The following CRIPT variants were observed in gnomAD, a reference collection of about 807,000 sequenced individuals.
CRIPT encodes CXXC repeat containing interactor of PDZ3 domain, also known as cysteine-rich PDZ-binding protein.
Under a neutral mutation model 16.6 loss-of-function variants are expected in CRIPT, and 20 were observed. The ratio of observed to expected loss-of-function variants is 1.20; its 90% CI spans 0.85 to 1.75. The LOEUF (loss-of-function observed/expected upper bound fraction) is 1.75, where lower values mean the gene tolerates loss of function less well. Among genes scored for constraint, CRIPT ranks in the 40% most tolerant of loss-of-function variants. CRIPT has a pLI of 0.00. For synonymous variants in CRIPT, 42 were observed against 37.0 expected (o/e 1.14, Z -0.49); for missense variants, 133 against 115.3 (o/e 1.15, Z -0.70).
chr2:46,629,863 C>T lies in CRIPT; in HGVS notation c.*5636C>T, dbSNP rs2104186416. 6.6e-6 allele frequency among the ~76,000 whole-genome samples: 1 copy of T among 152,280 alleles called. No homozygotes were observed. The highest frequency in any genetic ancestry group is 2.4e-5 in the African/African-American group (1 of 41,556). On this transcript the variant is annotated 3_prime_UTR_variant, in exon 5 of 5. Transcript: ENST00000238892. ...ATTCTGTTCCTCATCAAATCTACCC[C>T]TCCTAGGTTTAGCATCCTTTGACGA...
chr2:46,625,637 A>C lies in CRIPT; in HGVS notation c.*1410A>C, dbSNP rs958829467. 1 of 152,148 alleles carries C rather than the reference A, an allele frequency of 6.6e-6. No homozygotes were observed. Among genetic ancestry groups the C allele is most frequent in the African/African-American group, 2.4e-5 (1 of 41,428 alleles). 9.4% of individuals were successfully genotyped at this position (152,148 alleles called of 1,614,324 possible). ...GAAAAGCATTTAAAGTTTTAACTTT[A>C]TAAGGCTTTTCAAAATGTGTTTTTC... On this transcript the variant is annotated 3_prime_UTR_variant, in exon 5 of 5. Transcript: ENST00000238892.
intron 4 of CRIPT, 77 bp from the exon 5 acceptor site, chr2:46,624,086 T>A: frequency 5.6e-6 from 5 of 890,076 alleles, no homozygotes; most frequent in Non-Finnish European, 8.1e-6. Context: ...TTAAATTATG[T>A]TTTAAGCTTC....
chr2:46,628,827 A>G lies in CRIPT; in HGVS notation c.*4600A>G, dbSNP rs145274606. ...TAAAATATTTTTAAAAGGAAGACATACAAACAGACACTATAACCAAATAAG... is the reference window on the plus strand; with the variant it reads ...TAAAATATTTTTAAAAGGAAGACATGCAAACAGACACTATAACCAAATAAG... On this transcript the variant is annotated 3_prime_UTR_variant, in exon 5 of 5. Transcript: ENST00000238892. Among the ~76,000 whole-genome samples, 503 of 152,138 alleles carry G rather than the reference A, an allele frequency of 3.3e-3. 2 individuals carry two copies. The highest frequency in any genetic ancestry group is 0.01 in the African/African-American group (422 of 41,578).
intron 1 of CRIPT, 88 bp downstream of exon 1, chr2:46,617,386 T>C (rs1187143987): frequency 7.0e-7 from 1 of 1,436,140 alleles, no homozygotes; most frequent in African/African-American, 1.4e-5. Flanking sequence ...CGTTGTTTTT[T>C]CTTCGCCCAC....
At chr2:46,620,606 C>T (rs564775142) in intron 3 of CRIPT, among the ~76,000 whole-genome samples, 1 of 151,502 alleles carries the variant, frequency 6.6e-6, no homozygotes, top group South Asian at 2.1e-4. Context: ...CCCACAACAG[C>T]CCTGAAACTG....
At chr2:46,619,897 A>C (rs995333659) in intron 3 of CRIPT, among the ~76,000 whole-genome samples, 1 of 152,210 alleles carries the variant, frequency 6.6e-6, no homozygotes, top group Non-Finnish European at 1.5e-5. Context: ...ATTCTCTTAC[A>C]GTTTCACCAG....
At chr2:46,622,999 T>A (rs970365455) in intron 3 of CRIPT, among the ~76,000 whole-genome samples, 1 of 151,970 alleles carries the variant, frequency 6.6e-6, no homozygotes, top group Non-Finnish European at 1.5e-5. Flanking sequence ...ATTATTGCCA[T>A]TTTAGGGGAA....
Position 46,617,224 on chromosome 2 carries a change from T to C in CRIPT, c.-59T>C. 2 of 1,551,062 alleles carry C rather than the reference T, an allele frequency of 1.3e-6. No homozygotes were observed. The highest frequency in any genetic ancestry group is 1.2e-5 in the South Asian group (1 of 84,074). On this transcript the variant is annotated 5_prime_UTR_variant, in exon 1 of 5. Coordinates refer to ENST00000238892, the MANE Select transcript of CRIPT (RefSeq NM_014171.6). The stretch of plus-strand genomic sequence containing the variant: ...GGAATACTTCCAAGTTGTAGTGTTG[T>C]TGTTTTCAGCCTGCTGCTGCTGCTG...
At position 46,625,217 on chromosome 2, in the gene CRIPT, C is replaced by T. The variant is rs147840400; in HGVS notation, c.*990C>T. 1,546 of 151,376 alleles carry T rather than the reference C, an allele frequency of 0.01. 9 individuals are homozygous for T. The highest frequency in any genetic ancestry group is 0.014 in the African/African-American group (562 of 41,256). The allele number at this position is 151,376 out of a possible 1,614,324, so 9.4% of individuals were successfully genotyped here. A position where few individuals can be genotyped will look rare whatever the true frequency, so the allele number is the denominator to read the frequency against. On this transcript the variant is annotated 3_prime_UTR_variant, in exon 5 of 5. Transcript: ENST00000238892. ...CTCCTAAGTAGCTGGGGACTACAGG[C>T]GTGTGCCACTGTGCTCAGCTAGTTT...
chr2:46,621,451 C>G (rs1670802618), intron 3 of CRIPT, among the ~76,000 whole-genome samples: 1 of 152,206 alleles, frequency 6.6e-6, no homozygotes, highest in African/African-American at 2.4e-5. Context: ...CCCTAATCAG[C>G]ATCTAAACTA....
At position 46,627,064 on chromosome 2, in the gene CRIPT, C is replaced by T. The variant is rs569417182; in HGVS notation, c.*2837C>T. Among the ~76,000 whole-genome samples the T allele has an allele frequency of 1.6e-4, 25 of 152,304 alleles. No homozygotes were observed. The highest frequency in any genetic ancestry group is 6.0e-4 in the African/African-American group (25 of 41,552). On this transcript the variant is annotated 3_prime_UTR_variant, in exon 5 of 5. Transcript: ENST00000238892. ...GCCAGCCTGGTCTCGAATTCCTGAC[C>T]TCAGGTGATCCACCCATCTCAGCCT...
At chr2:46,623,486 C>T (rs2104173577) in intron 3 of CRIPT, among the ~76,000 whole-genome samples, 1 of 152,268 alleles carries the variant, frequency 6.6e-6, no homozygotes, top group South Asian at 2.1e-4. Context: ...ATATTTATGT[C>T]ACACAAATAG....
In CRIPT at chr2:46,627,138, T is replaced by C. The variant is rs1670956623; in HGVS notation, c.*2911T>C. On this transcript the variant is annotated 3_prime_UTR_variant, in exon 5 of 5. Coordinates refer to ENST00000238892, the MANE Select transcript of CRIPT (RefSeq NM_014171.6). ...GTGAGCCACCACACCTGGCCACGAG[T>C]TACTTGGTTTTCGTTTTCTGAATTG... 6.6e-6 allele frequency among the ~76,000 whole-genome samples: 1 copy of C among 152,000 alleles called. No homozygotes were observed. Among genetic ancestry groups the C allele is most frequent in the African/African-American group, 2.4e-5 (1 of 41,410 alleles).
rs1440004510 is a variant in CRIPT, at chr2:46,628,684, T to G, written c.*4457T>G. Among the ~76,000 whole-genome samples, 2 of 152,238 alleles carry G rather than the reference T, an allele frequency of 1.3e-5. No homozygotes were observed. The highest frequency in any genetic ancestry group is 2.9e-5 in the Non-Finnish European group (2 of 68,044). ...CACTTAGGTTCTCCTATGAAGATTT[T>G]TGTTGTATTGTACCTCAGAACCATC... On this transcript the variant is annotated 3_prime_UTR_variant, in exon 5 of 5. Transcript: ENST00000238892.
chr2:46,625,908 C>G lies in CRIPT; in HGVS notation c.*1681C>G, dbSNP rs1385206644. Among the ~76,000 whole-genome samples, 3 of 152,098 alleles carry G rather than the reference C, an allele frequency of 2.0e-5. No homozygotes were observed. The highest frequency in any genetic ancestry group is 7.3e-5 in the African/African-American group (3 of 41,368). ...TCAGCTAGAATCTGGACTTGCCTAA[C>G]TCACATTTCATTTTTTTTGTTGTTG... On this transcript the variant is annotated 3_prime_UTR_variant, in exon 5 of 5. Transcript: ENST00000238892.
chr2:46,621,743 TAAC>T (rs1415733102), intron 3 of CRIPT, among the ~76,000 whole-genome samples: 6 of 152,198 alleles, frequency 3.9e-5, no homozygotes, highest in Non-Finnish European at 8.8e-5. Flanking sequence ...GGATTAGAAA[TAAC>T]AACAATAAAG....
rs1054774501 is a variant in CRIPT, at chr2:46,617,400, T to C, written c.16+102T>C. The C allele has an allele frequency of 9.2e-6, 12 of 1,297,978 alleles. No homozygotes were observed. In the East Asian group the frequency reaches 3.0e-4, roughly 33 times the overall value. 80.4% of individuals were successfully genotyped at this position (1,297,978 alleles called of 1,614,324 possible). A position where few individuals can be genotyped will look rare whatever the true frequency, so the allele number is the denominator to read the frequency against. ...TCGTTGTTTTTTCTTCGCCCACAGGTCTCAGATTCTATCCGCTGTCTTTCT... is the reference window on the plus strand; with the variant it reads ...TCGTTGTTTTTTCTTCGCCCACAGGCCTCAGATTCTATCCGCTGTCTTTCT... On this transcript the variant is annotated intron_variant, in intron 1 of 4. Transcript: ENST00000238892.
At chr2:46,618,693 C>T in intron 1 of CRIPT, 80 bp from the exon 2 acceptor site, 1 of 856,246 alleles carries the variant, frequency 1.2e-6, no homozygotes. Context: ...TAGTCGATAC[C>T]ATTGTGAACC....
chr2:46,621,419 G>C (rs1318091904), intron 3 of CRIPT, among the ~76,000 whole-genome samples: 2 of 152,024 alleles, frequency 1.3e-5, no homozygotes, highest in Non-Finnish European at 2.9e-5. Context: ...TTGCTGTTTG[G>C]GTCTCAGCTT....
Sources: allele counts gnomAD v4.1 joint callset (sites outside exome capture counted in the v4.1 genomes callset), GRCh38; gene constraint gnomAD v4.1.1; transcripts MANE v1.5; gene names NCBI Gene and HGNC (gene_info 2026-07-23, HGNC 2026-07-21).